DRC11: variants seen among roughly 807,000 people sequenced by gnomAD.
The protein encoded by DRC11 is IQ and AAA domain-containing protein 1.
chr2:236,353,594 A>G, the DRC11 span, among the ~76,000 whole-genome samples: 1 of 152,180 alleles, frequency 6.6e-6, no homozygotes, highest in Non-Finnish European at 1.5e-5. The surrounding 1 kb of genome is among the most constrained non-coding windows in gnomAD (Gnocchi z 5.0). Flanking sequence ...ACTGCAGGAA[A>G]AAAAACAGCT....
chr2:236,475,518 C>A, the DRC11 span, among the ~76,000 whole-genome samples: 1 of 152,074 alleles, frequency 6.6e-6, no homozygotes, highest in Admixed American at 6.6e-5. This position sits in a 1 kb window ranked among gnomAD's most constrained non-coding sequence, Gnocchi z 4.8. Context: ...CTGGATCATA[C>A]GGTATTAGGT....
At chr2:236,460,457 C>T in the DRC11 span, among the ~76,000 whole-genome samples, 27 of 152,288 alleles carry the variant, frequency 1.8e-4, 2 homozygotes, top group South Asian at 5.4e-3. The surrounding 1 kb of genome is among the most constrained non-coding windows in gnomAD (Gnocchi z 4.0). Flanking sequence ...CGTCTCCTTG[C>T]CCTTTTGTCA....
At chr2:236,334,036 G>T in the DRC11 span, among the ~76,000 whole-genome samples, 3 of 152,094 alleles carry the variant, frequency 2.0e-5, no homozygotes, top group African/African-American at 7.2e-5. This position sits in a 1 kb window ranked among gnomAD's most constrained non-coding sequence, Gnocchi z 7.8. Flanking sequence ...ATGACTCATT[G>T]GTTACTCTCC....
chr2:236,321,925 A>G, the DRC11 span, among the ~76,000 whole-genome samples: 1 of 152,114 alleles, frequency 6.6e-6, no homozygotes, highest in Non-Finnish European at 1.5e-5. Context: ...GGACCCTAAT[A>G]AGTACATTCC....
chr2:236,470,090 G>A, the DRC11 span, among the ~76,000 whole-genome samples: 1 of 152,108 alleles, frequency 6.6e-6, no homozygotes, highest in African/African-American at 2.4e-5. This position sits in a 1 kb window ranked among gnomAD's most constrained non-coding sequence, Gnocchi z 5.1. Context: ...CTGAGTTTGC[G>A]GGGAAATAGG....
chr2:236,326,485 T>G, the DRC11 span, among the ~76,000 whole-genome samples: 1 of 152,170 alleles, frequency 6.6e-6, no homozygotes, highest in Admixed American at 6.5e-5. Context: ...TAGTTTAGAG[T>G]TCATACCTCT....
chr2:236,365,943 A>C, the DRC11 span, among the ~76,000 whole-genome samples: 144 of 152,232 alleles, frequency 9.5e-4, no homozygotes, highest in Middle Eastern at 0.01. This position sits in a 1 kb window ranked among gnomAD's most constrained non-coding sequence, Gnocchi z 7.4. Flanking sequence ...GATAACAAGG[A>C]GGCCAGTGTT....
chr2:236,430,224 C>G, the DRC11 span, among the ~76,000 whole-genome samples: 1 of 150,998 alleles, frequency 6.6e-6, no homozygotes, highest in Non-Finnish European at 1.5e-5. The surrounding 1 kb of genome is among the most constrained non-coding windows in gnomAD (Gnocchi z 6.0). Context: ...CACACACACA[C>G]AGAGCACACT....
chr2:236,494,189 C>T, the DRC11 span, among the ~76,000 whole-genome samples: 305 of 152,204 alleles, frequency 2.0e-3, 1 homozygote, highest in African/African-American at 7.1e-3. The surrounding 1 kb of genome is among the most constrained non-coding windows in gnomAD (Gnocchi z 4.2). Flanking sequence ...TAAAGAAATA[C>T]AATATTACCT....
At chr2:236,431,389 G>C in the DRC11 span, among the ~76,000 whole-genome samples, 1 of 152,166 alleles carries the variant, frequency 6.6e-6, no homozygotes, top group Non-Finnish European at 1.5e-5. The surrounding 1 kb of genome is among the most constrained non-coding windows in gnomAD (Gnocchi z 4.2). Flanking sequence ...GGAGAGAGAA[G>C]TGCCGAGCAA....
At chr2:236,496,310 G>A in the DRC11 span, among the ~76,000 whole-genome samples, 1 of 152,120 alleles carries the variant, frequency 6.6e-6, no homozygotes, top group East Asian at 1.9e-4. The surrounding 1 kb of genome is among the most constrained non-coding windows in gnomAD (Gnocchi z 6.3). Context: ...CAGAAAGAAA[G>A]GTACCTCTAT....
chr2:236,311,085 T>A, the DRC11 span, among the ~76,000 whole-genome samples: 933 of 152,332 alleles, frequency 6.1e-3, 8 homozygotes, highest in African/African-American at 0.021. The surrounding 1 kb of genome is among the most constrained non-coding windows in gnomAD (Gnocchi z 6.9). Flanking sequence ...TCAGGGAGCC[T>A]TGGGGGTCCC....
chr2:236,503,742 C>G, the DRC11 span: 4 of 1,515,856 alleles, frequency 2.6e-6, no homozygotes, highest in South Asian at 4.8e-5. The surrounding 1 kb of genome is among the most constrained non-coding windows in gnomAD (Gnocchi z 4.9). Context: ...CTCCACGTGA[C>G]CACACCCCCT....
the DRC11 span, among the ~76,000 whole-genome samples, chr2:236,484,575 T>C: frequency 6.6e-6 from 1 of 152,062 alleles, no homozygotes; most frequent in Non-Finnish European, 1.5e-5. Context: ...TATCTGTATA[T>C]TGTATACTTT....
the DRC11 span, among the ~76,000 whole-genome samples, chr2:236,491,219 GTATATA>G: frequency 1.0e-4 from 2 of 19,552 alleles, no homozygotes; most frequent in Admixed American, 6.1e-4. Context: ...TATACACACA[GTATATA>G]TATATATATA....
chr2:236,357,797 CTATA>C, the DRC11 span, among the ~76,000 whole-genome samples: 1 of 115,246 alleles, frequency 8.7e-6, no homozygotes, highest in Non-Finnish European at 1.7e-5. Context: ...TATACATATA[CTATA>C]TAAATATAGA....
the DRC11 span, among the ~76,000 whole-genome samples, chr2:236,362,931 C>T: frequency 6.6e-6 from 1 of 152,232 alleles, no homozygotes; most frequent in South Asian, 2.1e-4. The surrounding 1 kb of genome is among the most constrained non-coding windows in gnomAD (Gnocchi z 5.7). Context: ...GGTGTATTAG[C>T]GTGACACTAA....
chr2:236,372,865 G>A, the DRC11 span, among the ~76,000 whole-genome samples: 7 of 152,074 alleles, frequency 4.6e-5, no homozygotes, highest in East Asian at 3.9e-4. This position sits in a 1 kb window ranked among gnomAD's most constrained non-coding sequence, Gnocchi z 4.5. Flanking sequence ...TCCTGCCTCC[G>A]CCTCCCAGAG....
the DRC11 span, among the ~76,000 whole-genome samples, chr2:236,485,211 T>G: frequency 6.6e-6 from 1 of 152,116 alleles, no homozygotes. Flanking sequence ...GGTCACTGTA[T>G]ACTGTGTATA....
Sources: allele counts gnomAD v4.1 joint callset (sites outside exome capture counted in the v4.1 genomes callset), GRCh38; gene constraint gnomAD v4.1.1; non-coding constraint Gnocchi (gnomAD v3.1); transcripts MANE v1.5; gene names NCBI Gene and HGNC (gene_info 2026-07-23, HGNC 2026-07-21).